ATP1A1: variants seen among roughly 807,000 people sequenced by gnomAD.
The protein encoded by ATP1A1 is sodium/potassium-transporting ATPase subunit alpha-1.
Under a neutral mutation model 114.8 loss-of-function variants are expected in ATP1A1, and 14 were observed. That is an observed-to-expected ratio of 0.12 (90% CI 0.08 to 0.19). The LOEUF (loss-of-function observed/expected upper bound fraction) is 0.19, where lower values mean the gene tolerates loss of function less well. Ranked by LOEUF, ATP1A1 falls within the 10% of genes least tolerant of loss-of-function variation. The pLI is 1.00. For synonymous variants in ATP1A1, 471 were observed against 466.3 expected (o/e 1.01, Z -0.13); for missense variants, 524 against 1,290.7 (o/e 0.41, Z 9.10).
In ATP1A1 at chr1:116,373,347, T is replaced by G; in HGVS notation, c.-165T>G. ...GGCGGCAGCAACAGCGGCGGCGGCA[T>G]CGGCCCGAGCCGCCGGCCGCCCTCC... On this transcript the variant is annotated 5_prime_UTR_variant, in exon 1 of 23. Coordinates refer to ENST00000295598, the MANE Select transcript of ATP1A1 (RefSeq NM_000701.8). The G allele has an allele frequency of 8.0e-5, 46 of 578,034 alleles. No individual in the cohort carries two copies. The highest frequency in any genetic ancestry group is 1.5e-4 in the Admixed American group (3 of 20,262). 35.8% of individuals were successfully genotyped at this position (578,034 alleles called of 1,614,324 possible).
intron 8 of ATP1A1, 164 bp from the exon 9 acceptor site, chr1:116,390,049 G>A: frequency 1.3e-6 from 1 of 755,628 alleles, no homozygotes; most frequent in South Asian, 1.8e-5. Context: ...TGGAAGGAAG[G>A]GGAAGCCTCA....
At position 116,398,159 on chromosome 1, in the gene ATP1A1, A is replaced by C; in HGVS notation, c.2124+121A>C. 7.4e-7 allele frequency: 1 copy of C among 1,356,516 alleles called. No homozygotes were observed. Among genetic ancestry groups the C allele is most frequent in the Non-Finnish European group, 1.0e-6 (1 of 1,001,520 alleles). The allele number at this position is 1,356,516 out of a possible 1,614,324, so 84.0% of individuals were successfully genotyped here. A position where few individuals can be genotyped will look rare whatever the true frequency, so the allele number is the denominator to read the frequency against. On this transcript the variant is annotated intron_variant, in intron 15 of 22. Transcript: ENST00000295598. The surrounding 1 kb of genome is among the most constrained non-coding windows in gnomAD (Gnocchi z 6.1). ...ACCTCGCTGTATTAGACTCAGTATA[A>C]ATAGGCCAGTAGGAAGCTCATAGGC...
At chr1:116,378,553 T>C (rs1651523476) in intron 1 of ATP1A1, among the ~76,000 whole-genome samples, 1 of 151,838 alleles carries the variant, frequency 6.6e-6, no homozygotes, top group East Asian at 1.9e-4. Context: ...CTTTCTAGTC[T>C]GTTACCATGT....
chr1:116,374,143 T>TC, intron 1 of ATP1A1: 1 of 1,547,140 alleles, frequency 6.5e-7, no homozygotes, highest in South Asian at 1.2e-5. Context: ...GCGGCCGCCC[T>TC]CCCCCAAAGA....
At chr1:116,382,256 T>G (rs186099025) in intron 1 of ATP1A1, among the ~76,000 whole-genome samples, 62 of 152,334 alleles carry the variant, frequency 4.1e-4, no homozygotes, top group African/African-American at 1.4e-3. Context: ...TTTTTAAGTG[T>G]TGTGCTTTCT....
chr1:116,399,639 C>T lies in ATP1A1; in HGVS notation c.2572+96C>T. On this transcript the variant is annotated intron_variant, in intron 18 of 22. Transcript: ENST00000295598. This position sits in a 1 kb window ranked among gnomAD's most constrained non-coding sequence, Gnocchi z 5.0. ...GAGGTTGATTTCAGAGACTGCAAATCCAGGCGACTTTCAGGTCTAGGATGA... is the reference window on the plus strand; with the variant it reads ...GAGGTTGATTTCAGAGACTGCAAATTCAGGCGACTTTCAGGTCTAGGATGA... The T allele has an allele frequency of 1.3e-6, 2 of 1,536,076 alleles. No homozygotes were observed. The highest frequency in any genetic ancestry group is 2.5e-5 in the South Asian group (2 of 80,794).
intron 1 of ATP1A1, chr1:116,373,937 C>T (rs1651173522): frequency 2.3e-6 from 3 of 1,327,484 alleles, no homozygotes; most frequent in South Asian, 1.9e-5. Flanking sequence ...ACCGCCGTCA[C>T]CTCCTTCTCC....
chr1:116,403,218 G>C (rs1015891370), intron 21 of ATP1A1, among the ~76,000 whole-genome samples: 3 of 152,174 alleles, frequency 2.0e-5, no homozygotes, highest in South Asian at 2.1e-4. Context: ...AAGAAGAGGA[G>C]ACCACCGGAG....
intron 13 of ATP1A1, 131 bp from the exon 14 acceptor site, chr1:116,396,467 A>C: frequency 8.4e-7 from 1 of 1,184,744 alleles, no homozygotes; most frequent in Non-Finnish European, 1.2e-6. Flanking sequence ...TATTAGTTTT[A>C]TATTTGCATT....
chr1:116,376,453 G>C (rs1309042368), intron 1 of ATP1A1, among the ~76,000 whole-genome samples: 4 of 152,212 alleles, frequency 2.6e-5, no homozygotes, highest in African/African-American at 9.7e-5. Context: ...AGTTGCCCGG[G>C]CCTGGCCGGG....
Position 116,388,664 on chromosome 1 carries a change from G to A in ATP1A1, c.528G>A (p.Glu176=), listed in dbSNP as rs755889262. Residue 176 remains glutamate (E), a synonymous_variant, in exon 6 of 23, where the codon GAG becomes GAA. Coordinates refer to ENST00000295598, the MANE Select transcript of ATP1A1 (RefSeq NM_000701.8). The surrounding 1 kb of genome is among the most constrained non-coding windows in gnomAD (Gnocchi z 5.6). ...AAGCCCTTGTGATTCGAAATGGTGA[G>A]AAAATGAGCATAAATGCGGAGGAAG... ...PQQALVIRNG[E]KMSINAEEVV... The A allele has an allele frequency of 6.2e-7, 1 of 1,614,186 alleles. No individual in the cohort carries two copies. The highest frequency in any genetic ancestry group is 1.1e-5 in the South Asian group (1 of 91,076).
Position 116,404,727 on chromosome 1 carries a change from C to A in ATP1A1, c.*283C>A. The A allele has an allele frequency of 1.6e-6, 2 of 1,224,206 alleles. No individual in the cohort carries two copies. The highest frequency in any genetic ancestry group is 3.8e-5 in the East Asian group (1 of 26,312). 75.8% of individuals were successfully genotyped at this position (1,224,206 alleles called of 1,614,324 possible). ...AACACCCGGAAAGACTGAAAGAATA[C>A]ATTTTATATCTGGATTTTTACAAAT... On this transcript the variant is annotated 3_prime_UTR_variant, in exon 23 of 23. Transcript: ENST00000295598. The surrounding 1 kb of genome is among the most constrained non-coding windows in gnomAD (Gnocchi z 4.8).
chr1:116,404,020 G>A lies in ATP1A1; in HGVS notation c.3043+45G>A, dbSNP rs1351660462. The A allele has an allele frequency of 6.4e-6, 10 of 1,571,166 alleles. No individual in the cohort carries two copies. The highest frequency in any genetic ancestry group is 1.4e-5 in the African/African-American group (1 of 73,476). On this transcript the variant is annotated intron_variant, in intron 22 of 22. Coordinates refer to ENST00000295598, the MANE Select transcript of ATP1A1 (RefSeq NM_000701.8). The surrounding 1 kb of genome is among the most constrained non-coding windows in gnomAD (Gnocchi z 4.8). ...CTTTGGTTGGAGGAGGAGTGGGAGG[G>A]GCTATAGTTCTATTGGTTTTTTGTT... is the stretch of plus-strand genomic sequence containing the variant.
chr1:116,374,183 G>A, intron 1 of ATP1A1: 1 of 1,550,418 alleles, frequency 6.4e-7, no homozygotes, highest in South Asian at 1.2e-5. Flanking sequence ...GTGCGAAGCC[G>A]GCTGGGCGGG....
rs987162719 is a variant in ATP1A1 at position 116,397,556 on chromosome 1, C to T, written c.1974-332C>T. Reference sequence around the variant, plus strand: ...TCCTGACCTCAAGTGATCCACTCACCTCAGCCTCCCAAAGTGCTGGGATTA... The same window carrying T: ...TCCTGACCTCAAGTGATCCACTCACTTCAGCCTCCCAAAGTGCTGGGATTA... On this transcript the variant is annotated intron_variant, in intron 14 of 22. Transcript: ENST00000295598. This position sits in a 1 kb window ranked among gnomAD's most constrained non-coding sequence, Gnocchi z 4.2. 2.6e-5 allele frequency among the ~76,000 whole-genome samples: 4 copies of T among 152,142 alleles called. No individual in the cohort carries two copies. Among genetic ancestry groups the T allele is most frequent in the African/African-American group, 9.7e-5 (4 of 41,416 alleles).
chr1:116,374,528 G>C (rs1651227187), intron 1 of ATP1A1, among the ~76,000 whole-genome samples: 1 of 152,198 alleles, frequency 6.6e-6, no homozygotes, highest in South Asian at 2.1e-4. Flanking sequence ...GCTGGAGAGC[G>C]GCGCGGAGCG....
intron 1 of ATP1A1, among the ~76,000 whole-genome samples, chr1:116,376,516 G>A (rs932440484): frequency 1.3e-5 from 2 of 152,230 alleles, no homozygotes; most frequent in African/African-American, 4.8e-5. Flanking sequence ...GGGGGGTGGA[G>A]AGAGCACTTG....
At position 116,390,293 on chromosome 1, in the gene ATP1A1, G is replaced by A; in HGVS notation, c.1104G>A (p.Gly368=). The change falls in exon 9 of 23, where the codon GGG becomes GGA. Residue 368 remains glycine, a synonymous_variant. Coordinates refer to ENST00000295598, the MANE Select transcript of ATP1A1 (RefSeq NM_000701.8). ...VKNLEAVETL[G]STSTICSDKT... is the part of the protein sequence containing the mutation. ...ACTTAGAAGCTGTGGAGACCTTGGG[G>A]TCCACGTCCACCATCTGCTCTGATA... 1.9e-6 allele frequency: 3 copies of A among 1,614,052 alleles called. No homozygotes were observed. The highest frequency in any genetic ancestry group is 2.5e-6 in the Non-Finnish European group (3 of 1,180,010).
At chr1:116,391,274 C>T (rs184092053) in intron 10 of ATP1A1, among the ~76,000 whole-genome samples, 11 of 152,304 alleles carry the variant, frequency 7.2e-5, no homozygotes, top group African/African-American at 2.4e-4. Flanking sequence ...ACTCCATAAT[C>T]GTATTTGCAT....
Sources: allele counts gnomAD v4.1 joint callset (sites outside exome capture counted in the v4.1 genomes callset), GRCh38; gene constraint gnomAD v4.1.1; non-coding constraint Gnocchi (gnomAD v3.1); transcripts MANE v1.5; gene names NCBI Gene and HGNC (gene_info 2026-07-23, HGNC 2026-07-21).